NXPE3: variants seen among roughly 807,000 people sequenced by gnomAD.
NXPE3 encodes NXPE family member 3.
A neutral mutation model predicts 46.1 loss-of-function variants in NXPE3; 26 were observed. The ratio of observed to expected loss-of-function variants is 0.56; its 90% CI spans 0.41 to 0.78. The LOEUF (loss-of-function observed/expected upper bound fraction) is 0.78, where lower values mean the gene tolerates loss of function less well. Among genes scored for constraint, NXPE3 ranks in the 30% least tolerant of loss-of-function variants. The probability of loss-of-function intolerance (pLI) is 0.00; values close to 1 mark genes in which losing one functional copy is unlikely to be tolerated. For synonymous variants in NXPE3, 272 were observed against 257.9 expected (o/e 1.05, Z -0.52); for missense variants, 620 against 686.0 (o/e 0.90, Z 1.07).
At chr3:101,802,141 T>A in intron 5 of NXPE3, 152 bp downstream of exon 5, 1 of 658,890 alleles carries the variant, frequency 1.5e-6, no homozygotes, top group Non-Finnish European at 2.4e-6. Flanking sequence ...AAAAAAAACA[T>A]AGATTTGTAT....
rs1440206096 is a variant in NXPE3 at position 101,821,594 on chromosome 3, T to C, written c.1320T>C (p.Val440=). Residue 440 remains valine (V), a synonymous_variant, in exon 8 of 8, where the codon GTT becomes GTC. Transcript: ENST00000273347. ...NGIVGGKNTV[V]AIAVWSHFST... ...TTGTGGGAGGGAAGAACACAGTGGT[T>C]GCCATAGCTGTATGGTCTCACTTCA... The C allele has an allele frequency of 1.1e-5, 17 of 1,614,062 alleles. 1 individual carries two copies. In the Admixed American group the frequency reaches 2.8e-4, roughly 27 times the overall value.
chr3:101,821,271 C>T (rs1942234585), intron 7 of NXPE3, 133 bp from the exon 8 acceptor site: 2 of 667,736 alleles, frequency 3.0e-6, no homozygotes, highest in East Asian at 2.7e-5. Flanking sequence ...ATAGGTATTC[C>T]CTTTACATTT....
chr3:101,786,788 A>C (rs1192732125), intron 4 of NXPE3, among the ~76,000 whole-genome samples: 2 of 152,226 alleles, frequency 1.3e-5, no homozygotes, highest in African/African-American at 4.8e-5. Flanking sequence ...GTAAATAACT[A>C]ACATAGAATT....
In NXPE3 at chr3:101,821,650, G is replaced by A. The variant is rs374457110; in HGVS notation, c.1376G>A (p.Arg459Gln). The part of the protein sequence containing the change: ...STFPLEVYIR[R>Q]LRNIRRAVVR... ...TTCCCTTTGGAAGTGTACATCCGGC[G>A]GCTCAGGAACATCCGTCGAGCAGTG... The change falls in exon 8 of 8, where the codon CGG becomes CAG. Residue 459 changes from arginine (R) to glutamine (Q), a missense_variant. Transcript: ENST00000273347. 98 of 1,614,180 alleles carry A rather than the reference G, an allele frequency of 6.1e-5. No homozygotes were observed. Among genetic ancestry groups the A allele is most frequent in the Non-Finnish European group, 7.3e-5 (86 of 1,180,034 alleles).
chr3:101,789,882 G>C (rs1940403485), intron 4 of NXPE3, among the ~76,000 whole-genome samples: 1 of 151,856 alleles, frequency 6.6e-6, no homozygotes, highest in Non-Finnish European at 1.5e-5. Context: ...GCAGAGATGG[G>C]GTCTCACTAT....
chr3:101,813,447 C>G (rs530204395), intron 6 of NXPE3, among the ~76,000 whole-genome samples: 1 of 151,740 alleles, frequency 6.6e-6, no homozygotes, highest in Non-Finnish European at 1.5e-5. Context: ...TTTTCTCTTT[C>G]GTTTTGTTCC....
intron 4 of NXPE3, among the ~76,000 whole-genome samples, chr3:101,800,700 G>T (rs1439900034): frequency 4.0e-5 from 6 of 151,824 alleles, no homozygotes; most frequent in African/African-American, 1.2e-4. Flanking sequence ...ACATGTTAAG[G>T]GTTGTTTTTT....
At chr3:101,802,127 TAA>T (rs369908652) in intron 5 of NXPE3, 138 bp downstream of exon 5, 3 of 565,276 alleles carry the variant, frequency 5.3e-6, no homozygotes, top group African/African-American at 2.0e-5. Context: ...AGGTAGTGAA[TAA>T]AAAAAAAAAC....
intron 4 of NXPE3, among the ~76,000 whole-genome samples, chr3:101,800,514 A>G (rs960595312): frequency 6.6e-6 from 1 of 152,198 alleles, no homozygotes; most frequent in African/African-American, 2.4e-5. Flanking sequence ...GATGTCAACT[A>G]TATCCAGTTT....
chr3:101,828,130 G>A lies in NXPE3; in HGVS notation c.*6176G>A, dbSNP rs1280666341. On this transcript the variant is annotated 3_prime_UTR_variant, in exon 8 of 8. Transcript: ENST00000273347. ...GGGTTATTATCGCTGATTACAGCTG[G>A]AAACAATTGATTTGCTCTTACGTAT... The A allele has an allele frequency of 6.6e-6, 1 of 152,168 alleles. No homozygotes were observed. The highest frequency in any genetic ancestry group is 1.5e-5 in the Non-Finnish European group (1 of 68,036). The allele number at this position is 152,168 out of a possible 1,614,324, so 9.4% of individuals were successfully genotyped here. A position where few individuals can be genotyped will look rare whatever the true frequency, so the allele number is the denominator to read the frequency against.
rs1469815063 is a variant in NXPE3 at position 101,826,441 on chromosome 3, T to C, written c.*4487T>C. The C allele has an allele frequency of 6.6e-6, 1 of 152,240 alleles. No individual in the cohort carries two copies. The highest frequency in any genetic ancestry group is 1.5e-5 in the Non-Finnish European group (1 of 68,052). The allele number at this position is 152,240 out of a possible 1,614,324, so 9.4% of individuals were successfully genotyped here. On this transcript the variant is annotated 3_prime_UTR_variant, in exon 8 of 8. Coordinates refer to ENST00000273347, the MANE Select transcript of NXPE3 (RefSeq NM_145037.4). ...CACTTCAAGTGTATTTATTTTCTTG[T>C]GTTAAGCATTATTCTACCTGGTTTA...
chr3:101,798,586 C>CTATA (rs199993892), intron 4 of NXPE3, among the ~76,000 whole-genome samples: 79 of 136,888 alleles, frequency 5.8e-4, no homozygotes, highest in African/African-American at 9.5e-4. Flanking sequence ...ATATGTGTGT[C>CTATA]TATATATATA....
chr3:101,800,344 C>G (rs1018722161), intron 4 of NXPE3, among the ~76,000 whole-genome samples: 3 of 152,084 alleles, frequency 2.0e-5, no homozygotes, highest in African/African-American at 7.2e-5. Context: ...ATTTTTCCAG[C>G]TCTCTTTCTA....
At position 101,822,068 on chromosome 3, in the gene NXPE3, A is replaced by G. The variant is rs937650503; in HGVS notation, c.*114A>G. 2 of 886,706 alleles carry G rather than the reference A, an allele frequency of 2.3e-6. No individual in the cohort carries two copies. The highest frequency in any genetic ancestry group is 3.4e-6 in the Non-Finnish European group (2 of 581,076). 54.9% of individuals were successfully genotyped at this position (886,706 alleles called of 1,614,324 possible). ...GCCCTTAATAAGTATAAAATTTCAA[A>G]AAGATCTGGACTTAATATGATGACT... On this transcript the variant is annotated 3_prime_UTR_variant, in exon 8 of 8. Transcript: ENST00000273347.
intron 4 of NXPE3, among the ~76,000 whole-genome samples, chr3:101,792,522 CTT>C (rs1324486404): frequency 1.3e-5 from 2 of 152,130 alleles, no homozygotes; most frequent in Non-Finnish European, 2.9e-5. Context: ...AATAGGGAGT[CTT>C]TTCCTCATTG....
At chr3:101,812,303 T>C (rs1426365291) in intron 6 of NXPE3, among the ~76,000 whole-genome samples, 1 of 152,206 alleles carries the variant, frequency 6.6e-6, no homozygotes, top group Non-Finnish European at 1.5e-5. Flanking sequence ...AATAATTTGA[T>C]ACAGAATATC....
rs763871177 is a variant in NXPE3, at chr3:101,821,561, G to T, written c.1287G>T (p.Leu429=). 1 of 1,614,204 alleles carries T rather than the reference G, an allele frequency of 6.2e-7. No individual in the cohort carries two copies. The highest frequency in any genetic ancestry group is 8.5e-7 in the Non-Finnish European group (1 of 1,180,046). ...AGCTCCATTATGTGGCGAATGAGCTGAATGGCATTGTGGGAGGGAAGAACA... is the reference window on the plus strand; with the variant it reads ...AGCTCCATTATGTGGCGAATGAGCTTAATGGCATTGTGGGAGGGAAGAACA... The part of the protein sequence containing the change: ...SNELHYVANE[L]NGIVGGKNTV... Residue 429 remains leucine (L), a synonymous_variant, in exon 8 of 8, where the codon CTG becomes CTT. Coordinates refer to ENST00000273347, the MANE Select transcript of NXPE3 (RefSeq NM_145037.4).
At chr3:101,808,395 G>C (rs776153379) in intron 6 of NXPE3, among the ~76,000 whole-genome samples, 4 of 152,058 alleles carry the variant, frequency 2.6e-5, no homozygotes. Context: ...GCAGGGGCTT[G>C]ATATTTAATA....
chr3:101,814,750 G>T (rs1402817426), intron 6 of NXPE3, among the ~76,000 whole-genome samples: 9 of 151,834 alleles, frequency 5.9e-5, no homozygotes, highest in African/African-American at 2.2e-4. Flanking sequence ...AAGATTGTAG[G>T]TTTGAATAAT....
Sources: allele counts gnomAD v4.1 joint callset (sites outside exome capture counted in the v4.1 genomes callset), GRCh38; gene constraint gnomAD v4.1.1; transcripts MANE v1.5; gene names NCBI Gene and HGNC (gene_info 2026-07-23, HGNC 2026-07-21).